The following ZDHHC5 variants were observed in gnomAD, a reference collection of about 807,000 sequenced individuals.
The protein encoded by ZDHHC5 is zDHHC palmitoyltransferase 5.
A neutral mutation model predicts 70.0 loss-of-function variants in ZDHHC5; 22 were observed. The observed-to-expected ratio is 0.31, with a 90% CI of 0.22 to 0.45. The LOEUF is 0.45. Among genes scored for constraint, ZDHHC5 ranks in the 20% least tolerant of loss-of-function variants. The pLI is 1.00. For missense variants in ZDHHC5, 746 were observed against 926.9 expected (o/e 0.80, Z 2.53); for synonymous variants, 313 against 347.8 (o/e 0.90, Z 1.11).
Position 57,699,104 on chromosome 11 carries a change from A to C in ZDHHC5, c.1668A>C (p.Pro556=). ...EREKLLRQSP[P]LPGREEEPGL... is the part of the protein sequence containing the mutation. Reference sequence around the variant, plus strand: ...AGAAGTTGCTGCGCCAGTCACCCCCACTCCCGGGCCGTGAGGAAGAACCAG... The same window carrying C: ...AGAAGTTGCTGCGCCAGTCACCCCCCCTCCCGGGCCGTGAGGAAGAACCAG... Residue 556 remains proline, a synonymous_variant, in exon 11 of 12, where the codon CCA becomes CCC. Transcript: ENST00000287169. The C allele has an allele frequency of 6.2e-7, 1 of 1,612,888 alleles. No individual in the cohort carries two copies. Among genetic ancestry groups the C allele is most frequent in the Non-Finnish European group, 8.5e-7 (1 of 1,179,734 alleles).
rs943248085 is a variant in ZDHHC5 at position 57,692,484 on chromosome 11, T to G, written c.661-127T>G. ...CTCTTAACCATAACATATATAAATT[T>G]CTTGTGTTTTACTCATTTGCATAGC... On this transcript the variant is annotated intron_variant, in intron 6 of 11. Transcript: ENST00000287169. The G allele has an allele frequency of 1.1e-5, 8 of 712,592 alleles. No homozygotes were observed. In the African/African-American group the frequency reaches 1.3e-4, roughly 11 times the overall value. 44.1% of individuals were successfully genotyped at this position (712,592 alleles called of 1,614,324 possible).
chr11:57,682,693 T>A, intron 3 of ZDHHC5, 150 bp downstream of exon 3: 1 of 1,005,822 alleles, frequency 9.9e-7, no homozygotes, highest in Non-Finnish European at 1.4e-6. Flanking sequence ...TCTTGGGCCT[T>A]AAAGTCCGGG....
At chr11:57,691,844 CTA>C (rs1257466998) in intron 6 of ZDHHC5, among the ~76,000 whole-genome samples, 1 of 151,438 alleles carries the variant, frequency 6.6e-6, no homozygotes, top group African/African-American at 2.4e-5. Flanking sequence ...CAGACATTTA[CTA>C]TATGCCCACT....
chr11:57,668,874 CT>C (rs1945962711), intron 1 of ZDHHC5, among the ~76,000 whole-genome samples: 1 of 152,224 alleles, frequency 6.6e-6, no homozygotes. Context: ...GTTTTACCCA[CT>C]TGGCCAAATG....
At chr11:57,676,533 T>G (rs971728341) in intron 2 of ZDHHC5, among the ~76,000 whole-genome samples, 4 of 152,180 alleles carry the variant, frequency 2.6e-5, no homozygotes, top group African/African-American at 9.7e-5. Context: ...GGAGATTGAT[T>G]CTGGTGAAGT....
intron 3 of ZDHHC5, among the ~76,000 whole-genome samples, chr11:57,683,524 C>G (rs1489843920): frequency 5.9e-5 from 9 of 152,028 alleles, no homozygotes; most frequent in Non-Finnish European, 1.2e-4. Context: ...TTTTTATAAA[C>G]CTGAATATGA....
chr11:57,693,757 C>G lies in ZDHHC5; in HGVS notation c.753-26C>G, dbSNP rs1420918551. The stretch of plus-strand genomic sequence containing the variant: ...GAATGAAAGCTCTCTCGCTGTGTCT[C>G]TCTCTCTCTCTCTCTCGACACTTAG... On this transcript the variant is annotated intron_variant, in intron 7 of 11. Transcript: ENST00000287169. The G allele has an allele frequency of 6.9e-6, 8 of 1,157,110 alleles. No homozygotes were observed. In the South Asian group the frequency reaches 1.0e-4, roughly 15 times the overall value. The allele number at this position is 1,157,110 out of a possible 1,614,324, so 71.7% of individuals were successfully genotyped here.
chr11:57,699,851 G>A lies in ZDHHC5; in HGVS notation c.1983-15G>A, dbSNP rs1376142642. 2.5e-6 allele frequency: 4 copies of A among 1,614,104 alleles called. No individual in the cohort carries two copies. Among genetic ancestry groups the A allele is most frequent in the South Asian group, 2.2e-5 (2 of 91,088 alleles). ...TCCCATTTCCTGACACCTACGTCTTGTCTCTTCTTTCCAGAGATGAAGTAC... is the reference window on the plus strand; with the variant it reads ...TCCCATTTCCTGACACCTACGTCTTATCTCTTCTTTCCAGAGATGAAGTAC... On this transcript the variant is annotated splice_polypyrimidine_tract_variant and intron_variant, in intron 11 of 11. Transcript: ENST00000287169.
In ZDHHC5 at chr11:57,696,034, A is replaced by G. The variant is rs1432073377; in HGVS notation, c.1000A>G (p.Thr334Ala). 1.2e-6 allele frequency: 2 copies of G among 1,612,234 alleles called. No individual in the cohort carries two copies. Among genetic ancestry groups the G allele is most frequent in the South Asian group, 1.1e-5 (1 of 90,706 alleles). Residue 334 changes from threonine to alanine, a missense_variant, in exon 9 of 12, where the codon ACT becomes GCT. Thr to Ala is a moderately conservative substitution (Grantham distance 58). Transcript: ENST00000287169. ...GTTGCGAACACACCTCGGCTTGGCT[A>G]CTAATGAGGGTAAGGGCTGCCTTGA... is the stretch of plus-strand genomic sequence containing the variant. ...TGLRTHLGLA[T>A]NEDSSLLAKD...
At chr11:57,694,869 G>A (rs1946329686) in intron 8 of ZDHHC5, among the ~76,000 whole-genome samples, 2 of 152,158 alleles carry the variant, frequency 1.3e-5, no homozygotes, top group African/African-American at 4.8e-5. Context: ...CCAGCACTTA[G>A]CGAGGCTGAG....
intron 2 of ZDHHC5, 59 bp downstream of exon 2, chr11:57,673,253 G>T (rs1279263328): frequency 6.4e-7 from 1 of 1,550,938 alleles, no homozygotes; most frequent in Non-Finnish European, 8.9e-7. Flanking sequence ...GAAGTGAGGA[G>T]ATAACGCTTT....
chr11:57,699,382 CAGA>C lies in ZDHHC5; in HGVS notation c.1952_1954del (p.Glu651del), dbSNP rs749408941. The C allele has an allele frequency of 1.7e-5, 27 of 1,595,688 alleles. No homozygotes were observed. Among genetic ancestry groups the C allele is most frequent in the East Asian group, 1.3e-4 (6 of 44,668 alleles). The stretch of plus-strand genomic sequence containing the variant: ...AAAGCCCAACCTGGTGTCTCTGAGA[CAGA>C]AGAAGTGGCCTTGCAGCCATTACTG... On this transcript the variant is annotated inframe_deletion, in exon 11 of 12. Transcript: ENST00000287169.
intron 1 of ZDHHC5, among the ~76,000 whole-genome samples, chr11:57,670,431 A>G (rs1228861808): frequency 6.6e-6 from 1 of 151,798 alleles, no homozygotes; most frequent in Non-Finnish European, 1.5e-5. Flanking sequence ...AGATCACACC[A>G]TGCACTTCAG....
intron 9 of ZDHHC5, 122 bp from the exon 10 acceptor site, chr11:57,696,639 C>G (rs552339107): frequency 1.2e-6 from 1 of 831,170 alleles, no homozygotes; most frequent in African/African-American, 1.7e-5. Flanking sequence ...CCCAGGAGTT[C>G]AAGGCTCCAG....
intron 3 of ZDHHC5, among the ~76,000 whole-genome samples, chr11:57,684,486 G>C (rs189958122): frequency 3.3e-5 from 5 of 152,336 alleles, no homozygotes; most frequent in African/African-American, 1.2e-4. Context: ...TCGGGAGGGT[G>C]AGGCAGGAGA....
chr11:57,675,571 C>A lies in ZDHHC5; in HGVS notation c.104+2377C>A, dbSNP rs553338457. Among the ~76,000 whole-genome samples the A allele has an allele frequency of 3.9e-5, 6 of 152,272 alleles. No individual in the cohort carries two copies. The South Asian group carries it at 1.2e-3, about 32-fold the overall frequency. ...GCCTCTCATCCAAAGTTAGAAGAAC[C>A]CTAAGTCATAGCTGGAGTTCCTTCC... On this transcript the variant is annotated intron_variant, in intron 2 of 11. Transcript: ENST00000287169.
At chr11:57,669,234 C>G (rs1220939215) in intron 1 of ZDHHC5, among the ~76,000 whole-genome samples, 2 of 152,162 alleles carry the variant, frequency 1.3e-5, no homozygotes, top group African/African-American at 4.8e-5. Context: ...CATGGTACCT[C>G]CATTACTGTG....
In ZDHHC5 at chr11:57,699,360, G is replaced by C; in HGVS notation, c.1924G>C (p.Ala642Pro). The C allele has an allele frequency of 6.2e-7, 1 of 1,607,982 alleles. No individual in the cohort carries two copies. Among genetic ancestry groups the C allele is most frequent in the Non-Finnish European group, 8.5e-7 (1 of 1,176,602 alleles). Residue 642 changes from alanine (A) to proline (P), a missense_variant, in exon 11 of 12, where the codon GCC becomes CCC. By Grantham distance (27) the Ala-to-Pro change is conservative. Coordinates refer to ENST00000287169, the MANE Select transcript of ZDHHC5 (RefSeq NM_015457.3). ...GRSMSYSSQK[A>P]QPGVSETEEV... ...ATCGATGTCTTACAGCAGCCAAAAA[G>C]CCCAACCTGGTGTCTCTGAGACAGA...
chr11:57,684,504 C>G (rs959726093), intron 3 of ZDHHC5, among the ~76,000 whole-genome samples: 1 of 151,696 alleles, frequency 6.6e-6, no homozygotes, highest in Admixed American at 6.6e-5. Context: ...AGAATTGCTA[C>G]GGGAGGAGAG....
Sources: gnomAD v4.1 joint callset for allele counts (sites outside exome capture counted in the v4.1 genomes callset) on GRCh38, gnomAD v4.1.1 for gene constraint, MANE v1.5 for transcripts, NCBI Gene and HGNC (gene_info 2026-07-23, HGNC 2026-07-21) for gene names.